Variants in DGKI observed in about 807,000 individuals in gnomAD.
DGKI encodes diacylglycerol kinase iota.
DGKI carries 55 observed loss-of-function variants against 147.5 expected under a neutral mutation model. That is an observed-to-expected ratio of 0.37 (90% CI 0.30 to 0.47). DGKI has a LOEUF of 0.47. Ranked by LOEUF, DGKI falls within the 20% of genes least tolerant of loss-of-function variation. The probability of loss-of-function intolerance (pLI) is 1.00; values close to 1 mark genes in which losing one functional copy is unlikely to be tolerated. For synonymous variants in DGKI, 469 were observed against 477.1 expected, an observed-to-expected ratio of 0.98 and a Z score of 0.22; for missense variants, 1,007 against 1,323.8, an observed-to-expected ratio of 0.76 and a Z score of 3.71.
intron 27 of DGKI, among the ~76,000 whole-genome samples, chr7:137,454,395 G>A (rs1184121511): frequency 6.6e-6 from 1 of 152,140 alleles, no homozygotes; most frequent in East Asian, 1.9e-4. Flanking sequence ...GCCACCTACT[G>A]TTAACTTTTA....
rs375929945 is a variant in DGKI, at chr7:137,651,849, T to C, written c.738+2883A>G. ...AAAAAGGATGGAATATGTAGTATCT[T>C]GAATATTTTTGAGAGACTGGATAAG... On this transcript the variant is annotated intron_variant, in intron 5 of 32. Transcript: ENST00000614521. Among the ~76,000 whole-genome samples, 28 of 152,290 alleles carry C rather than the reference T, an allele frequency of 1.8e-4. 1 individual carries two copies. The South Asian group carries it at 5.0e-3, about 27-fold the overall frequency.
intron 28 of DGKI, among the ~76,000 whole-genome samples, chr7:137,441,312 T>C (rs1391217371): frequency 6.6e-6 from 1 of 150,856 alleles, no homozygotes; most frequent in African/African-American, 2.4e-5. Flanking sequence ...TCCCAGCTAC[T>C]TGGGAGGCTG....
intron 7 of DGKI, 147 bp downstream of exon 7, chr7:137,623,336 G>A (rs1008399842): frequency 1.4e-6 from 1 of 711,924 alleles, no homozygotes; most frequent in Non-Finnish European, 2.4e-6. Context: ...GTTTCAGTCT[G>A]TCTTTCTTCC....
intron 12 of DGKI, among the ~76,000 whole-genome samples, chr7:137,595,306 G>A (rs926215260): frequency 1.3e-5 from 2 of 152,190 alleles, no homozygotes; most frequent in African/African-American, 4.8e-5. Flanking sequence ...TGGCCATTAG[G>A]AATTTATTAA....
intron 9 of DGKI, 61 bp downstream of exon 9, chr7:137,609,474 G>T: frequency 1.5e-6 from 2 of 1,322,890 alleles, no homozygotes; most frequent in South Asian, 1.2e-5. Context: ...GATCTCATAG[G>T]ACAGAGTAGA....
At chr7:137,716,526 T>C (rs1394303507) in intron 1 of DGKI, among the ~76,000 whole-genome samples, 1 of 152,174 alleles carries the variant, frequency 6.6e-6, no homozygotes, top group Non-Finnish European at 1.5e-5. Flanking sequence ...GAAGGAAAAC[T>C]CAGCAGGGAG....
At chr7:137,416,754 A>T (rs1025650133) in intron 28 of DGKI, among the ~76,000 whole-genome samples, 8 of 152,110 alleles carry the variant, frequency 5.3e-5, no homozygotes, top group African/African-American at 1.9e-4. Context: ...CTTGTACCCC[A>T]TATCGCTCCC....
chr7:137,661,836 G>C lies in DGKI; in HGVS notation c.607-5296C>G, dbSNP rs188633384. On this transcript the variant is annotated intron_variant, in intron 3 of 32. Coordinates refer to ENST00000614521, the MANE Select transcript of DGKI (RefSeq NM_001321708.2). ...TCTTCAATGGCGGGGCTAATGGAAT[G>C]CTTAGGAAAGTGGAGGGGAGGAACC... Among the ~76,000 whole-genome samples, 270 of 152,300 alleles carry C rather than the reference G, an allele frequency of 1.8e-3. 1 individual carries two copies. The highest frequency in any genetic ancestry group is 6.2e-3 in the African/African-American group (258 of 41,568).
rs566332492 is a variant in DGKI, at chr7:137,816,704, A to G, written c.401+29758T>C. Among the ~76,000 whole-genome samples the G allele has an allele frequency of 6.6e-5, 10 of 152,348 alleles. No homozygotes were observed. The South Asian group carries it at 1.9e-3, about 28-fold the overall frequency. On this transcript the variant is annotated intron_variant, in intron 1 of 32. Transcript: ENST00000614521. ...TGGTATCAAAAGGTATAAAGACAAA[A>G]AACATTGTTTTGTAATAGAGAGTGA...
intron 1 of DGKI, among the ~76,000 whole-genome samples, chr7:137,738,619 A>G (rs149970064): frequency 1.8e-4 from 28 of 152,218 alleles, no homozygotes; most frequent in Non-Finnish European, 3.5e-4. Flanking sequence ...CAGCTCCCAG[A>G]GAAAACTTCC....
At chr7:137,592,714 C>A (rs1335800310) in intron 12 of DGKI, among the ~76,000 whole-genome samples, 1 of 152,154 alleles carries the variant, frequency 6.6e-6, no homozygotes, top group Non-Finnish European at 1.5e-5. Context: ...AAGAAAATGA[C>A]CACACAGTAT....
intron 1 of DGKI, among the ~76,000 whole-genome samples, chr7:137,789,390 G>A (rs527362318): frequency 6.6e-6 from 1 of 152,186 alleles, no homozygotes; most frequent in South Asian, 2.1e-4. Flanking sequence ...TTTAGCATCC[G>A]TAATGGGATT....
chr7:137,563,816 A>G (rs1229022519), intron 19 of DGKI, among the ~76,000 whole-genome samples: 1 of 152,112 alleles, frequency 6.6e-6, no homozygotes, highest in Non-Finnish European at 1.5e-5. Context: ...GGAGAAATAT[A>G]CCATGTTCAT....
At position 137,412,206 on chromosome 7, in the gene DGKI, T is replaced by C. The variant is rs769307566; in HGVS notation, c.2763A>G (p.Ala921=). 2.5e-6 allele frequency: 4 copies of C among 1,613,802 alleles called. No homozygotes were observed. In the South Asian group the frequency reaches 4.4e-5, roughly 18 times the overall value. Residue 921 remains alanine, a splice_region_variant and synonymous_variant, in exon 29 of 33, where the codon GCA becomes GCG. Coordinates refer to ENST00000614521, the MANE Select transcript of DGKI (RefSeq NM_001321708.2). Reference sequence around the variant, plus strand: ...CACCAGCTATTACTGCCTGCAAAATTGCTGTGAAAGACAAAAGAGAGATGT... The same window carrying C: ...CACCAGCTATTACTGCCTGCAAAATCGCTGTGAAAGACAAAAGAGAGATGT... ...LQSPVSSEDH[A]ILQAVIAGDL...
At chr7:137,461,708 G>A (rs1814449460) in intron 27 of DGKI, among the ~76,000 whole-genome samples, 1 of 152,158 alleles carries the variant, frequency 6.6e-6, no homozygotes, top group African/African-American at 2.4e-5. Flanking sequence ...GGCTGGGGAT[G>A]AATGTTTGAA....
chr7:137,581,689 G>C (rs1354488021), intron 15 of DGKI, among the ~76,000 whole-genome samples, 161 bp downstream of exon 15: 2 of 152,058 alleles, frequency 1.3e-5, no homozygotes, highest in Non-Finnish European at 2.9e-5. Flanking sequence ...TTTATAAGAA[G>C]TTCCTGTCCT....
chr7:137,803,394 G>A (rs909143120), intron 1 of DGKI, among the ~76,000 whole-genome samples: 3 of 152,158 alleles, frequency 2.0e-5, no homozygotes, highest in African/African-American at 7.2e-5. Context: ...GACTGGAACT[G>A]TATTTTTGAT....
intron 6 of DGKI, among the ~76,000 whole-genome samples, chr7:137,638,466 G>GTATATATGTGTGTATATATATGTA (rs1821424476): frequency 4.1e-5 from 1 of 24,586 alleles, no homozygotes; most frequent in Non-Finnish European, 1.2e-4. Flanking sequence ...ATATATGTGT[G>GTATATATGTGTGTATATATATGTA]TATATATGTG....
At chr7:137,828,784 A>T (rs1305077517) in intron 1 of DGKI, among the ~76,000 whole-genome samples, 1 of 152,236 alleles carries the variant, frequency 6.6e-6, no homozygotes, top group Non-Finnish European at 1.5e-5. Flanking sequence ...CAGGGGAGCC[A>T]CAGTAAAAGT....
Sources: allele counts gnomAD v4.1 joint callset (sites outside exome capture counted in the v4.1 genomes callset), GRCh38; gene constraint gnomAD v4.1.1; transcripts MANE v1.5; gene names NCBI Gene and HGNC (gene_info 2026-07-23, HGNC 2026-07-21).